The following CHN2 variants were observed in gnomAD, a reference collection of about 807,000 sequenced individuals.
CHN2 encodes beta-chimaerin.
CHN2 carries 35 observed loss-of-function variants against 56.3 expected under a neutral mutation model. That is an observed-to-expected ratio of 0.62 (90% confidence interval 0.47 to 0.82). The LOEUF is 0.82. Among genes scored for constraint, CHN2 ranks in the 40% least tolerant of loss-of-function variants. CHN2 has a pLI of 0.00. For missense variants in CHN2, 491 were observed against 580.5 expected, an observed-to-expected ratio of 0.85 and a Z score of 1.58; for synonymous variants, 210 against 212.8, an observed-to-expected ratio of 0.99 and a Z score of 0.12.
chr7:29,384,026 G>A (rs117623312), intron 3 of CHN2, among the ~76,000 whole-genome samples: 2,510 of 152,260 alleles, frequency 0.016, 33 homozygotes, highest in Non-Finnish European at 0.025. Flanking sequence ...AGTGGGGTTG[G>A]GAAGAGGGAG....
chr7:29,462,844 C>A (rs946036986), intron 6 of CHN2, among the ~76,000 whole-genome samples: 4 of 151,710 alleles, frequency 2.6e-5, no homozygotes, highest in African/African-American at 9.7e-5. Flanking sequence ...ATACATGTGC[C>A]ATGTTGGTGT....
intron 1 of CHN2, chr7:29,212,769 A>G: frequency 6.2e-7 from 1 of 1,610,328 alleles, no homozygotes; most frequent in Non-Finnish European, 8.5e-7. Flanking sequence ...CAGAAAAACA[A>G]CTGGCCGAAG....
chr7:29,184,416 C>T (rs1040875738), intron 2 of CHN2: 2 of 151,954 alleles, frequency 1.3e-5, no homozygotes, highest in Non-Finnish European at 2.9e-5. Context: ...ATGCAATTGG[C>T]TCACTGATTA....
intron 6 of CHN2, among the ~76,000 whole-genome samples, chr7:29,418,938 C>T (rs1443947865): frequency 1.3e-5 from 2 of 152,152 alleles, no homozygotes; most frequent in Non-Finnish European, 2.9e-5. Context: ...CATGAATATT[C>T]ATTAATAAGC....
chr7:29,333,155 T>A (rs1240824830), intron 1 of CHN2, among the ~76,000 whole-genome samples: 1 of 152,106 alleles, frequency 6.6e-6, no homozygotes, highest in African/African-American at 2.4e-5. Flanking sequence ...AAGTGAAGGA[T>A]GCTAGGTTCC....
At chr7:29,340,139 A>T (rs1796929149) in intron 1 of CHN2, among the ~76,000 whole-genome samples, 1 of 152,214 alleles carries the variant, frequency 6.6e-6, no homozygotes, top group Non-Finnish European at 1.5e-5. Context: ...TCAAATATAC[A>T]TGCAGAAAAA....
At chr7:29,200,484 C>A (rs1260772752) in intron 1 of CHN2, among the ~76,000 whole-genome samples, 1 of 142,984 alleles carries the variant, frequency 7.0e-6, no homozygotes, top group Non-Finnish European at 1.5e-5. Flanking sequence ...TTCCCCCCCC[C>A]TTTTGTCTCT....
At chr7:29,486,980 C>T (rs981923162) in intron 7 of CHN2, among the ~76,000 whole-genome samples, 1 of 152,120 alleles carries the variant, frequency 6.6e-6, no homozygotes, top group Non-Finnish European at 1.5e-5. Context: ...GCATGCAAGC[C>T]CCTCTCTCTT....
intron 6 of CHN2, among the ~76,000 whole-genome samples, chr7:29,453,041 G>A (rs1038912804): frequency 6.6e-6 from 1 of 152,220 alleles, no homozygotes; most frequent in Non-Finnish European, 1.5e-5. Flanking sequence ...ATGCTAGCTG[G>A]TTGTTGACAC....
intron 1 of CHN2, among the ~76,000 whole-genome samples, chr7:29,297,190 A>G (rs1793230003): frequency 6.6e-6 from 1 of 152,198 alleles, no homozygotes; most frequent in African/African-American, 2.4e-5. Flanking sequence ...CCCACCTTAC[A>G]GATTGAATCC....
intron 2 of CHN2, among the ~76,000 whole-genome samples, chr7:29,167,600 AAGT>A (rs1796080802): frequency 6.6e-6 from 1 of 152,208 alleles, no homozygotes; most frequent in African/African-American, 2.4e-5. Context: ...TTGTTTTTTA[AAGT>A]AGTGGTACCA....
At chr7:29,293,368 C>CG (rs1202968144) in intron 1 of CHN2, among the ~76,000 whole-genome samples, 3 of 114,718 alleles carry the variant, frequency 2.6e-5, no homozygotes, top group African/African-American at 8.9e-5. Flanking sequence ...TAATGCCCCC[C>CG]CCCCCCCCCA....
chr7:29,188,769 A>G (rs1266887378), intron 2 of CHN2, among the ~76,000 whole-genome samples: 1 of 152,164 alleles, frequency 6.6e-6, no homozygotes, highest in East Asian at 1.9e-4. Context: ...AACAACAACA[A>G]CAACAAAACT....
chr7:29,321,187 A>G (rs542764148), intron 1 of CHN2, among the ~76,000 whole-genome samples: 12 of 152,210 alleles, frequency 7.9e-5, no homozygotes, highest in Non-Finnish European at 1.3e-4. Flanking sequence ...TCATTTATAC[A>G]TGCTTTTCTA....
chr7:29,468,132 A>T (rs1785697659), intron 6 of CHN2, among the ~76,000 whole-genome samples: 1 of 94,410 alleles, frequency 1.1e-5, no homozygotes, highest in Non-Finnish European at 2.4e-5. Flanking sequence ...CAGAAACCAA[A>T]CGGACCCGCC....
chr7:29,474,355 C>A (rs1361901563), intron 6 of CHN2, among the ~76,000 whole-genome samples: 3 of 152,148 alleles, frequency 2.0e-5, no homozygotes, highest in Non-Finnish European at 2.9e-5. Flanking sequence ...ATCTCTATAT[C>A]TATCCATCTA....
chr7:29,346,102 C>G (rs1430373121), intron 1 of CHN2, among the ~76,000 whole-genome samples: 2 of 152,122 alleles, frequency 1.3e-5, no homozygotes, highest in East Asian at 3.9e-4. Flanking sequence ...AGCAAGGTCT[C>G]TAACAGCCTT....
At chr7:29,350,635 G>A (rs1286779272) in intron 1 of CHN2, among the ~76,000 whole-genome samples, 2 of 152,290 alleles carry the variant, frequency 1.3e-5, no homozygotes, top group East Asian at 3.9e-4. Context: ...GGCAAGAATA[G>A]AGACAGACAT....
intron 1 of CHN2, among the ~76,000 whole-genome samples, chr7:29,340,406 G>T (rs989446266): frequency 1.3e-5 from 2 of 151,678 alleles, no homozygotes; most frequent in African/African-American, 4.8e-5. Context: ...GCTTGGGGGG[G>T]GGCCTCAATA....
Sources: gnomAD v4.1 joint callset for allele counts (sites outside exome capture counted in the v4.1 genomes callset) on GRCh38, gnomAD v4.1.1 for gene constraint, MANE v1.5 for transcripts, NCBI Gene and HGNC (gene_info 2026-07-23, HGNC 2026-07-21) for gene names.